The following DNAAF9 variants were observed in gnomAD, a reference collection of about 807,000 sequenced individuals.
DNAAF9 encodes dynein axonemal assembly factor 9.
Under a neutral mutation model 167.0 loss-of-function variants are expected in DNAAF9, and 90 were observed. That is an observed-to-expected ratio of 0.54 (90% confidence interval 0.45 to 0.64). The LOEUF (loss-of-function observed/expected upper bound fraction) is 0.64, where lower values mean the gene tolerates loss of function less well. Ranked by LOEUF, DNAAF9 falls within the 30% of genes least tolerant of loss-of-function variation. DNAAF9 has a pLI of 0.00. For synonymous variants in DNAAF9, 491 were observed against 508.8 expected (o/e 0.96, Z 0.47); for missense variants, 1,315 against 1,442.2 (o/e 0.91, Z 1.43).
intron 25 of DNAAF9, among the ~76,000 whole-genome samples, chr20:3,293,591 G>A (rs1332165602): frequency 6.7e-6 from 1 of 149,804 alleles, no homozygotes; most frequent in African/African-American, 2.5e-5. Context: ...AGGCTGAGGC[G>A]GGACAATCAC....
intron 1 of DNAAF9, among the ~76,000 whole-genome samples, chr20:3,383,425 C>A (rs959627230): frequency 1.3e-5 from 2 of 151,848 alleles, no homozygotes; most frequent in Admixed American, 1.3e-4. Flanking sequence ...TGTGCCACCA[C>A]GCCCGGCTAA....
chr20:3,325,065 C>T, intron 13 of DNAAF9, 97 bp from the exon 14 acceptor site: 1 of 775,470 alleles, frequency 1.3e-6, no homozygotes, highest in South Asian at 1.4e-5. Context: ...TCCAGGATCA[C>T]ACCATGCCCT....
Position 3,315,792 on chromosome 20 carries a change from C to A in DNAAF9, c.1540-7G>T. 5 of 1,612,384 alleles carry A rather than the reference C, an allele frequency of 3.1e-6. No homozygotes were observed. The highest frequency in any genetic ancestry group is 3.4e-6 in the Non-Finnish European group (4 of 1,178,398). ...TTACTTCATTATCTTCCACCTGTGT[C>A]CAAAAGGAATGCAGATTTTCAGTCA... is the stretch of plus-strand genomic sequence containing the variant. On this transcript the variant is annotated splice_polypyrimidine_tract_variant and splice_region_variant and intron_variant, in intron 18 of 36. Coordinates refer to ENST00000252032, the MANE Select transcript of DNAAF9 (RefSeq NM_001009984.3). This position sits in a 1 kb window ranked among gnomAD's most constrained non-coding sequence, Gnocchi z 4.1.
At chr20:3,356,439 A>G (rs1056055219) in intron 7 of DNAAF9, among the ~76,000 whole-genome samples, 5 of 152,166 alleles carry the variant, frequency 3.3e-5, no homozygotes, top group South Asian at 4.1e-4. Flanking sequence ...CCTTTTTTCA[A>G]TTGGTTATTT....
intron 34 of DNAAF9, 60 bp downstream of exon 34, chr20:3,255,946 C>T: frequency 7.5e-7 from 1 of 1,325,940 alleles, no homozygotes. Context: ...TCAGGGCCAA[C>T]AGCAGCTCTG....
intron 13 of DNAAF9, 67 bp from the exon 14 acceptor site, chr20:3,325,035 A>G: frequency 1.1e-6 from 1 of 878,704 alleles, no homozygotes; most frequent in Non-Finnish European, 2.0e-6. Flanking sequence ...TCACTGATGG[A>G]AGGGCCCTCC....
At chr20:3,374,204 A>G in intron 5 of DNAAF9, 50 bp from the exon 6 acceptor site, 5 of 1,312,222 alleles carry the variant, frequency 3.8e-6, no homozygotes, top group Non-Finnish European at 5.5e-6. Context: ...CCTGAATATA[A>G]CAGTCTAAAC....
intron 1 of DNAAF9, among the ~76,000 whole-genome samples, chr20:3,397,559 C>G (rs2123295416): frequency 6.6e-6 from 1 of 152,286 alleles, no homozygotes; most frequent in Non-Finnish European, 1.5e-5. Context: ...ACCTCGTGAT[C>G]TGCCCGTCTC....
At chr20:3,357,331 C>A (rs189611860) in intron 7 of DNAAF9, among the ~76,000 whole-genome samples, 1 of 152,062 alleles carries the variant, frequency 6.6e-6, no homozygotes, top group Non-Finnish European at 1.5e-5. Context: ...ATTAGCCAGG[C>A]GTGGTGGCAC....
chr20:3,393,479 T>A (rs1347620163), intron 1 of DNAAF9, among the ~76,000 whole-genome samples: 1 of 151,634 alleles, frequency 6.6e-6, no homozygotes, highest in Non-Finnish European at 1.5e-5. Flanking sequence ...GCCACTGCAC[T>A]CCAGCCTGGG....
At chr20:3,371,198 T>A (rs1452399765) in intron 6 of DNAAF9, among the ~76,000 whole-genome samples, 2 of 147,170 alleles carry the variant, frequency 1.4e-5, no homozygotes, top group Admixed American at 1.4e-4. Context: ...TCTTTTCTTA[T>A]ATGTCTTCCA....
chr20:3,258,328 A>C (rs959582284), intron 33 of DNAAF9, among the ~76,000 whole-genome samples: 1 of 152,178 alleles, frequency 6.6e-6, no homozygotes, highest in African/African-American at 2.4e-5. Context: ...ATCAAGCAAA[A>C]GCTATGAGCT....
At chr20:3,335,612 C>G (rs1361654932) in intron 10 of DNAAF9, among the ~76,000 whole-genome samples, 1 of 151,482 alleles carries the variant, frequency 6.6e-6, no homozygotes, top group Non-Finnish European at 1.5e-5. Context: ...CAAAAATTAG[C>G]CAGGTGTGGT....
chr20:3,291,384 G>A (rs1258781004), intron 25 of DNAAF9, among the ~76,000 whole-genome samples: 16 of 144,570 alleles, frequency 1.1e-4, no homozygotes, highest in African/African-American at 2.8e-4. Context: ...TCGCTCCGTC[G>A]CCAGGCTGGA....
At chr20:3,332,868 G>T (rs74999444) in intron 10 of DNAAF9, among the ~76,000 whole-genome samples, 35 of 151,136 alleles carry the variant, frequency 2.3e-4, no homozygotes, top group Non-Finnish European at 4.3e-4. Flanking sequence ...GTGCGTGTGC[G>T]TGCGTGCATG....
At position 3,263,836 on chromosome 20, in the gene DNAAF9, T is replaced by G. The variant is rs865874889; in HGVS notation, c.2873+602A>C. 3.3e-5 allele frequency among the ~76,000 whole-genome samples: 5 copies of G among 152,378 alleles called. 1 individual carries two copies. Among genetic ancestry groups the G allele is most frequent in the Middle Eastern group, 3.4e-3 (1 of 294 alleles). ...TTGATTTTTATTAATTTACATTTCA[T>G]TAAATAGCCATGTGGCTAGGAGCTG... On this transcript the variant is annotated intron_variant, in intron 31 of 36. Coordinates refer to ENST00000252032, the MANE Select transcript of DNAAF9 (RefSeq NM_001009984.3).
intron 11 of DNAAF9, among the ~76,000 whole-genome samples, chr20:3,331,545 T>A (rs1019623716): frequency 6.6e-6 from 1 of 152,214 alleles, no homozygotes; most frequent in Admixed American, 6.5e-5. Context: ...CCTTTCTGGA[T>A]GGCCCCACAG....
intron 21 of DNAAF9, among the ~76,000 whole-genome samples, chr20:3,303,214 C>T (rs2069225078): frequency 6.6e-6 from 1 of 151,236 alleles, no homozygotes; most frequent in South Asian, 2.1e-4. Flanking sequence ...TGCACTCCAG[C>T]CTGGGCAACA....
intron 27 of DNAAF9, among the ~76,000 whole-genome samples, chr20:3,282,877 CT>C (rs1035111980): frequency 3.3e-5 from 5 of 152,200 alleles, no homozygotes; most frequent in African/African-American, 9.6e-5. Context: ...TTCATACACC[CT>C]GTGTGATCAA....
Sources: gnomAD v4.1 joint callset for allele counts (sites outside exome capture counted in the v4.1 genomes callset) on GRCh38, gnomAD v4.1.1 for gene constraint, Gnocchi (gnomAD v3.1) non-coding constraint, MANE v1.5 for transcripts, NCBI Gene and HGNC (gene_info 2026-07-23, HGNC 2026-07-21) for gene names.